The following CADM2 variants were observed in gnomAD, a reference collection of about 807,000 sequenced individuals.
CADM2 encodes the protein cell adhesion molecule 2, also known as immunoglobulin superfamily member 4D.
CADM2 carries 12 observed loss-of-function variants against 49.8 expected under a neutral mutation model. The ratio of observed to expected loss-of-function variants is 0.24; its 90% confidence interval spans 0.15 to 0.39. The LOEUF (loss-of-function observed/expected upper bound fraction) is 0.39. Among genes scored for constraint, CADM2 ranks in the 10% least tolerant of loss-of-function variants. The probability of loss-of-function intolerance (pLI) is 1.00; values close to 1 mark genes in which losing one functional copy is unlikely to be tolerated. For synonymous variants in CADM2, 214 were observed against 175.4 expected, an observed-to-expected ratio of 1.22 and a Z score of -1.74; for missense variants, 378 against 492.3, an observed-to-expected ratio of 0.77 and a Z score of 2.20.
chr3:85,741,092 A>G (rs927162101), intron 2 of CADM2, among the ~76,000 whole-genome samples: 2 of 152,166 alleles, frequency 1.3e-5, no homozygotes, highest in South Asian at 2.1e-4. Flanking sequence ...GAATCACACA[A>G]TGAGCTTTGT....
At chr3:85,214,543 C>T (rs72913051) in intron 1 of CADM2, among the ~76,000 whole-genome samples, 10,000 of 152,024 alleles carry the variant, frequency 0.066, 1,093 homozygotes, top group African/African-American at 0.23. Flanking sequence ...CCCCACCCCC[C>T]AACCCTGGTC....
intron 3 of CADM2, among the ~76,000 whole-genome samples, chr3:85,832,946 G>A (rs145619792): frequency 9.9e-5 from 15 of 151,894 alleles, no homozygotes; most frequent in African/African-American, 2.9e-4. Context: ...TGAATTTGTC[G>A]TAGATGGCTG....
chr3:86,050,411 C>A (rs1199617279), intron 8 of CADM2, among the ~76,000 whole-genome samples: 1 of 152,142 alleles, frequency 6.6e-6, no homozygotes, highest in East Asian at 1.9e-4. Flanking sequence ...GCACACAGTA[C>A]AAGCTGTCAG....
chr3:85,680,092 G>A (rs987217695), intron 1 of CADM2, among the ~76,000 whole-genome samples: 9 of 151,886 alleles, frequency 5.9e-5, no homozygotes, highest in African/African-American at 1.9e-4. Context: ...TAACATAGGA[G>A]AATAAATTTT....
chr3:84,987,441 A>G (rs1345614315), intron 1 of CADM2, among the ~76,000 whole-genome samples: 1 of 152,068 alleles, frequency 6.6e-6, no homozygotes, highest in Non-Finnish European at 1.5e-5. Flanking sequence ...CTCTTCCAAA[A>G]ATTTATCTCT....
In CADM2 at chr3:86,070,066, A is replaced by G. The variant is rs1282582405; in HGVS notation, c.*3283A>G. On this transcript the variant is annotated 3_prime_UTR_variant, in exon 10 of 10. Coordinates refer to ENST00000383699, the MANE Select transcript of CADM2 (RefSeq NM_001167675.2). ...ACCAGAGAATCCAAGAAGCAGTTTA[A>G]GGAACCTGATATTGGAGTTTAATCT... 1 of 151,972 alleles carries G rather than the reference A, an allele frequency of 6.6e-6. No individual in the cohort carries two copies. Among genetic ancestry groups the G allele is most frequent in the Non-Finnish European group, 1.5e-5 (1 of 67,890 alleles). The allele number at this position is 151,972 out of a possible 1,614,324, so 9.4% of individuals were successfully genotyped here. A position where few individuals can be genotyped will look rare whatever the true frequency, so the allele number is the denominator to read the frequency against.
chr3:85,645,552 C>G (rs1415978237), intron 1 of CADM2, among the ~76,000 whole-genome samples: 2 of 151,912 alleles, frequency 1.3e-5, no homozygotes, highest in East Asian at 3.9e-4. Flanking sequence ...ATTAAAGTCA[C>G]TACATGATTT....
chr3:85,792,476 A>C (rs939737521), intron 2 of CADM2, among the ~76,000 whole-genome samples: 2 of 152,236 alleles, frequency 1.3e-5, no homozygotes, highest in Non-Finnish European at 2.9e-5. Context: ...AGAGGACTTA[A>C]GTTCCTCTTA....
intron 1 of CADM2, among the ~76,000 whole-genome samples, chr3:85,538,500 G>T (rs1431648755): frequency 1.3e-5 from 2 of 152,086 alleles, no homozygotes; most frequent in Non-Finnish European, 2.9e-5. Context: ...AATGAAAGAG[G>T]AAAGAGACTG....
intron 1 of CADM2, among the ~76,000 whole-genome samples, chr3:85,195,082 A>C (rs2041309401): frequency 6.6e-6 from 1 of 152,008 alleles, no homozygotes; most frequent in Non-Finnish European, 1.5e-5. Flanking sequence ...ATCTACTGAA[A>C]TATGGATTTA....
At chr3:85,832,736 C>T (rs72908576) in intron 3 of CADM2, among the ~76,000 whole-genome samples, 6,663 of 151,894 alleles carry the variant, frequency 0.044, 457 homozygotes, top group African/African-American at 0.15. Flanking sequence ...GGTATAGAAT[C>T]GTATCATCTG....
At chr3:85,540,003 C>T (rs1326352659) in intron 1 of CADM2, among the ~76,000 whole-genome samples, 1 of 152,040 alleles carries the variant, frequency 6.6e-6, no homozygotes, top group Non-Finnish European at 1.5e-5. Context: ...ATGATTATTT[C>T]AGGAGAGTAA....
chr3:85,948,717 T>TAATAAAATAA (rs58893078), intron 7 of CADM2, among the ~76,000 whole-genome samples: 15 of 150,800 alleles, frequency 9.9e-5, no homozygotes, highest in African/African-American at 3.2e-4. Flanking sequence ...CTAAATAAAA[T>TAATAAAATAA]AATAAAATAA....
At chr3:85,751,362 A>T (rs1401211295) in intron 2 of CADM2, among the ~76,000 whole-genome samples, 2 of 152,152 alleles carry the variant, frequency 1.3e-5, no homozygotes, top group African/African-American at 2.4e-5. Flanking sequence ...ACTCTTAAGG[A>T]TATCCTTGGT....
intron 1 of CADM2, among the ~76,000 whole-genome samples, chr3:85,470,845 A>G (rs17514709): frequency 0.2 from 30,561 of 152,084 alleles, 3,889 homozygotes; most frequent in East Asian, 0.3. Flanking sequence ...TCAAAGTTCA[A>G]CTGCATATGT....
chr3:85,387,636 T>G (rs1471844472), intron 1 of CADM2, among the ~76,000 whole-genome samples: 1 of 152,212 alleles, frequency 6.6e-6, no homozygotes, highest in African/African-American at 2.4e-5. Context: ...TTAATGCGGT[T>G]TTATATATGA....
chr3:85,102,803 T>C (rs986625901), intron 1 of CADM2, among the ~76,000 whole-genome samples: 4 of 152,148 alleles, frequency 2.6e-5, no homozygotes, highest in African/African-American at 4.8e-5. Flanking sequence ...TGCATAATTT[T>C]GACAGCCATT....
intron 1 of CADM2, among the ~76,000 whole-genome samples, chr3:85,663,991 G>A (rs899284893): frequency 6.6e-6 from 1 of 151,858 alleles, no homozygotes; most frequent in Admixed American, 6.6e-5. Flanking sequence ...TTATGCACTT[G>A]GTTACTGACT....
intron 1 of CADM2, among the ~76,000 whole-genome samples, chr3:84,983,285 TGTAA>T (rs2032324885): frequency 2.0e-5 from 3 of 152,090 alleles, no homozygotes; most frequent in Non-Finnish European, 2.9e-5. Flanking sequence ...TCTTTTAATC[TGTAA>T]GTGTTATGCT....
Sources: gnomAD v4.1 joint callset for allele counts (sites outside exome capture counted in the v4.1 genomes callset) on GRCh38, gnomAD v4.1.1 for gene constraint, MANE v1.5 for transcripts, NCBI Gene and HGNC (gene_info 2026-07-23, HGNC 2026-07-21) for gene names.